The following OTX1 variants were observed in gnomAD, a reference collection of about 807,000 sequenced individuals.
OTX1 encodes orthodenticle homeobox 1, also known as homeobox protein OTX1.
A neutral mutation model predicts 26.7 loss-of-function variants in OTX1; 7 were observed. The observed-to-expected ratio is 0.26, with a 90% CI of 0.15 to 0.49. OTX1 has a LOEUF of 0.49. OTX1 is among the 20% of genes least tolerant of loss of function. The pLI, the probability that OTX1 is intolerant of heterozygous loss-of-function variation, is 0.98. For missense variants in OTX1, 414 were observed against 483.8 expected, an observed-to-expected ratio of 0.86 and a Z score of 1.35; for synonymous variants, 216 against 212.8, an observed-to-expected ratio of 1.01 and a Z score of -0.13.
rs764983807 is a variant in OTX1 at position 63,055,867 on chromosome 2, A to T, written c.616A>T (p.Met206Leu). The change falls in exon 5 of 5, where the codon ATG (methionine) becomes TTG (leucine). Residue 206 changes from methionine to leucine, a missense_variant. By Grantham distance (15) the Met-to-Leu change is conservative (BLOSUM62 2). Transcript: ENST00000282549. The surrounding 1 kb of genome is among the most constrained non-coding windows in gnomAD (Gnocchi z 5.2). ...GGCCGCGCCTAGCAACACCTCGTGT[A>T]TGCAGCGCTCCGTAGCTGCAGGCGC... ...PLAAPSNTSC[M>L]QRSVAAGAAT... The T allele has an allele frequency of 3.1e-6, 5 of 1,612,252 alleles. No homozygotes were observed. In the Admixed American group the frequency reaches 8.3e-5, roughly 27 times the overall value.
At position 63,056,077 on chromosome 2, in the gene OTX1, C is replaced by T. The variant is rs1295831967; in HGVS notation, c.826C>T (p.His276Tyr). The T allele has an allele frequency of 5.6e-6, 9 of 1,613,310 alleles. No individual in the cohort carries two copies. Among genetic ancestry groups the T allele is most frequent in the Non-Finnish European group, 6.8e-6 (8 of 1,179,436 alleles). ...GGCACCCTCCTCCATGGCGGGCCAC[C>T]ATCATCACCACCCACATGCGCACCA... ...PMAPSSMAGH[H>Y]HHHPHAHHPL... Residue 276 changes from histidine to tyrosine, a missense_variant, in exon 5 of 5, where the codon CAT becomes TAT. By Grantham distance (83) the His-to-Tyr change is moderately conservative. Transcript: ENST00000282549.
At chr2:63,054,666 C>T (rs1452425732) in intron 4 of OTX1, among the ~76,000 whole-genome samples, 2 of 152,226 alleles carry the variant, frequency 1.3e-5, no homozygotes, top group Non-Finnish European at 2.9e-5. Flanking sequence ...TCATTAGACG[C>T]TTCCTCTGCT....
At position 63,056,318 on chromosome 2, in the gene OTX1, C is replaced by T. The variant is rs771292265; in HGVS notation, c.*2C>T. 6.2e-7 allele frequency: 1 copy of T among 1,604,194 alleles called. No homozygotes were observed. Among genetic ancestry groups the T allele is most frequent in the Non-Finnish European group, 8.5e-7 (1 of 1,173,194 alleles). On this transcript the variant is annotated 3_prime_UTR_variant, in exon 5 of 5. Coordinates refer to ENST00000282549, the MANE Select transcript of OTX1 (RefSeq NM_014562.4). ...TCATGGCGGTTCCAGGTCTTGTGAGCCCAGGAATGAAAGAGGAGAAGAAAC... is the reference window on the plus strand; with the variant it reads ...TCATGGCGGTTCCAGGTCTTGTGAGTCCAGGAATGAAAGAGGAGAAGAAAC...
At position 63,054,234 on chromosome 2, in the gene OTX1, G is replaced by T. The variant is rs545833131; in HGVS notation, c.249+36G>T. On this transcript the variant is annotated intron_variant, in intron 4 of 4. Transcript: ENST00000282549. ...CCCGGGCTCCAGGGTCTGGGTAGGGGAGCTGAGGCTGCTCGGGGAAGGTCT... is the reference window on the plus strand; with the variant it reads ...CCCGGGCTCCAGGGTCTGGGTAGGGTAGCTGAGGCTGCTCGGGGAAGGTCT... 5.2e-6 allele frequency: 8 copies of T among 1,536,562 alleles called. No individual in the cohort carries two copies. In the South Asian group the frequency reaches 6.3e-5, roughly 12 times the overall value.
intron 3 of OTX1, chr2:63,053,313 G>A: frequency 2.3e-6 from 1 of 443,560 alleles, no homozygotes; most frequent in Non-Finnish European, 3.9e-6. Context: ...CGCCTTCCCG[G>A]CCGGATCACC....
At position 63,053,352 on chromosome 2, in the gene OTX1, C is replaced by T. The variant is rs557531751; in HGVS notation, c.97+265C>T. On this transcript the variant is annotated intron_variant, in intron 3 of 4. Transcript: ENST00000282549. ...AACCTTTCTCCGGTTGTGGTCCCAC[C>T]GCCAGCGCAGAGCTCATTTACTTGC... 8.8e-5 allele frequency: 36 copies of T among 409,332 alleles called. 1 individual carries two copies. In the Admixed American group the frequency reaches 9.3e-4, roughly 11 times the overall value. The allele number at this position is 409,332 out of a possible 1,614,324, so 25.4% of individuals were successfully genotyped here.
Position 63,056,636 on chromosome 2 carries a change from C to T in OTX1, c.*320C>T. 2.5e-6 allele frequency: 1 copy of T among 396,984 alleles called. No individual in the cohort carries two copies. The highest frequency in any genetic ancestry group is 4.6e-6 in the Non-Finnish European group (1 of 216,696). The allele number at this position is 396,984 out of a possible 1,614,324, so 24.6% of individuals were successfully genotyped here. On this transcript the variant is annotated 3_prime_UTR_variant, in exon 5 of 5. Transcript: ENST00000282549. ...AGCCTCCCCTTCCAGTCTTTCTGGACAGCTATTAAGCACTTGCAGCCTTCG... is the reference window on the plus strand; with the variant it reads ...AGCCTCCCCTTCCAGTCTTTCTGGATAGCTATTAAGCACTTGCAGCCTTCG...
Position 63,055,435 on chromosome 2 carries a change from G to A in OTX1, c.250-66G>A. The A allele has an allele frequency of 6.6e-7, 1 of 1,507,218 alleles. No homozygotes were observed. Among genetic ancestry groups the A allele is most frequent in the Non-Finnish European group, 9.0e-7 (1 of 1,110,146 alleles). The allele number at this position is 1,507,218 out of a possible 1,614,324, so 93.4% of individuals were successfully genotyped here. A position where few individuals can be genotyped will look rare whatever the true frequency, so the allele number is the denominator to read the frequency against. ...TTCTGGACCGGGAGTTGGGTCCGCG[G>A]GGCGGTGGAGCAACAAGCTCCCCTA... On this transcript the variant is annotated intron_variant, in intron 4 of 4. Coordinates refer to ENST00000282549, the MANE Select transcript of OTX1 (RefSeq NM_014562.4). This position sits in a 1 kb window ranked among gnomAD's most constrained non-coding sequence, Gnocchi z 5.2.
At position 63,054,154 on chromosome 2, in the gene OTX1, G is replaced by T. The variant is rs1164978140; in HGVS notation, c.205G>T (p.Glu69Ter). ...KTRYPDIFMR[E>*]EVALKINLPE... is the part of the protein sequence containing the mutation. ...TCGCTACCCTGACATCTTCATGCGG[G>T]AGGAGGTGGCGCTCAAGATCAACCT... Residue 69 changes from glutamate to a stop codon, truncating the protein, a stop_gained, in exon 4 of 5, where the codon GAG becomes TAG. Transcript: ENST00000282549. LOFTEE classifies it high-confidence loss of function. 1 of 1,610,934 alleles carries T rather than the reference G, an allele frequency of 6.2e-7. No individual in the cohort carries two copies. Among genetic ancestry groups the T allele is most frequent in the Admixed American group, 1.7e-5 (1 of 59,660 alleles).
Position 63,055,181 on chromosome 2 carries a change from A to G in OTX1, c.250-320A>G, listed in dbSNP as rs1574629202. Among the ~76,000 whole-genome samples, 3 of 152,366 alleles carry G rather than the reference A, an allele frequency of 2.0e-5. No individual in the cohort carries two copies. The South Asian group carries it at 6.2e-4, about 32-fold the overall frequency. ...TACACGGAAGCAGCCAACAGCAGCA[A>G]TTTAGAGATGGCAGAACTTCTGACT... On this transcript the variant is annotated intron_variant, in intron 4 of 4. Transcript: ENST00000282549. The surrounding 1 kb of genome is among the most constrained non-coding windows in gnomAD (Gnocchi z 5.2).
Position 63,055,629 on chromosome 2 carries a change from A to G in OTX1, c.378A>G (p.Gln126=), listed in dbSNP as rs1247042144. 2 of 1,614,112 alleles carry G rather than the reference A, an allele frequency of 1.2e-6. No individual in the cohort carries two copies. The highest frequency in any genetic ancestry group is 1.1e-5 in the South Asian group (1 of 91,084). The part of the protein sequence containing the change: ...RESSGSESSG[Q]FTPPAVSSSA... ...GCTCGGGCTCCGAAAGCAGTGGCCA[A>G]TTCACGCCGCCAGCTGTGTCCAGCT... The change falls in exon 5 of 5, where the codon CAA becomes CAG. Residue 126 remains glutamine, a synonymous_variant. Coordinates refer to ENST00000282549, the MANE Select transcript of OTX1 (RefSeq NM_014562.4). This position sits in a 1 kb window ranked among gnomAD's most constrained non-coding sequence, Gnocchi z 5.2.
At chr2:63,052,642 C>G (rs1209933781) in intron 2 of OTX1, among the ~76,000 whole-genome samples, 1 of 152,212 alleles carries the variant, frequency 6.6e-6, no homozygotes, top group African/African-American at 2.4e-5. Context: ...CTGCTTTTAA[C>G]TTCTCCTTAC....
rs1300330815 is a variant in OTX1 at position 63,056,176 on chromosome 2, C to A, written c.925C>A (p.Leu309Ile). 1 of 1,614,038 alleles carries A rather than the reference C, an allele frequency of 6.2e-7. No individual in the cohort carries two copies. Among genetic ancestry groups the A allele is most frequent in the Admixed American group, 1.7e-5 (1 of 60,006 alleles). The change falls in exon 5 of 5, where the codon CTT becomes ATT. Residue 309 changes from leucine to isoleucine, a missense_variant. Coordinates refer to ENST00000282549, the MANE Select transcript of OTX1 (RefSeq NM_014562.4). ...CCACCAAGGCTACGGTGGCTCTGGG[C>A]TTGCCTTCAACTCTGCCGACTGCTT... is the stretch of plus-strand genomic sequence containing the variant. The part of the protein sequence containing the change: ...HHHQGYGGSG[L>I]AFNSADCLDY...
upstream of OTX1, chr2:63,050,777 C>T (rs890010468): frequency 2.0e-5 from 3 of 152,218 alleles, no homozygotes; most frequent in African/African-American, 4.8e-5. Flanking sequence ...GCGGCCTAGC[C>T]CCGTTACGCA....
In OTX1 at chr2:63,055,927, G is replaced by T. The variant is rs61742369; in HGVS notation, c.676G>T (p.Gly226Cys). 1.4e-5 allele frequency: 22 copies of T among 1,612,628 alleles called. No individual in the cohort carries two copies. Among genetic ancestry groups the T allele is most frequent in the Non-Finnish European group, 1.7e-5 (20 of 1,180,008 alleles). Residue 226 changes from glycine to cysteine, a missense_variant, in exon 5 of 5, where the codon GGC becomes TGC. By Grantham distance (159) the Gly-to-Cys change is radical (BLOSUM62 -3). Coordinates refer to ENST00000282549, the MANE Select transcript of OTX1 (RefSeq NM_014562.4). This position sits in a 1 kb window ranked among gnomAD's most constrained non-coding sequence, Gnocchi z 5.2. Reference sequence around the variant, plus strand: ...AGCAGCCTCTTATCCCATGTCCTACGGCCAGGGCGGCAGCTACGGCCAAGG... The same window carrying T: ...AGCAGCCTCTTATCCCATGTCCTACTGCCAGGGCGGCAGCTACGGCCAAGG... ...TAAASYPMSY[G>C]QGGSYGQGYP...
At position 63,055,398 on chromosome 2, in the gene OTX1, A is replaced by G. The variant is rs1574629325; in HGVS notation, c.250-103A>G. The G allele has an allele frequency of 5.5e-6, 7 of 1,277,778 alleles. No individual in the cohort carries two copies. The East Asian group carries it at 1.7e-4, about 31-fold the overall frequency. The allele number at this position is 1,277,778 out of a possible 1,614,324, so 79.2% of individuals were successfully genotyped here. On this transcript the variant is annotated intron_variant, in intron 4 of 4. Coordinates refer to ENST00000282549, the MANE Select transcript of OTX1 (RefSeq NM_014562.4). The surrounding 1 kb of genome is among the most constrained non-coding windows in gnomAD (Gnocchi z 5.2). ...GAAGGGGCGGAGGCCTCGGTGAGAA[A>G]GGATTGCGATATTCTGGACCGGGAG...
intron 3 of OTX1, 65 bp from the exon 4 acceptor site, chr2:63,053,982 C>A: frequency 1.9e-6 from 3 of 1,564,246 alleles, no homozygotes; most frequent in East Asian, 2.4e-5. Flanking sequence ...GGGGCCTGCC[C>A]GAGTCCTCTA....
intron 3 of OTX1, 57 bp from the exon 4 acceptor site, chr2:63,053,990 C>T: frequency 1.9e-6 from 3 of 1,585,950 alleles, no homozygotes; most frequent in Non-Finnish European, 2.6e-6. Flanking sequence ...CCCGAGTCCT[C>T]TATCGCGGGT....
At position 63,055,719 on chromosome 2, in the gene OTX1, A is replaced by T. The variant is rs1183999521; in HGVS notation, c.468A>T (p.Gly156=). ...ACCCAGCGGCTGCAGCGGCTGCGGG[A>T]CTAGGTGGGAACCCGGTGGCGGCCG... ...SANPAAAAAA[G]LGGNPVAAAS... The change falls in exon 5 of 5, where the codon GGA becomes GGT. Residue 156 remains glycine (G), a synonymous_variant. Coordinates refer to ENST00000282549, the MANE Select transcript of OTX1 (RefSeq NM_014562.4). This position sits in a 1 kb window ranked among gnomAD's most constrained non-coding sequence, Gnocchi z 5.2. 5.6e-6 allele frequency: 9 copies of T among 1,613,034 alleles called. No individual in the cohort carries two copies. Among genetic ancestry groups the T allele is most frequent in the Non-Finnish European group, 7.6e-6 (9 of 1,179,830 alleles).
Sources: allele counts gnomAD v4.1 joint callset (sites outside exome capture counted in the v4.1 genomes callset), GRCh38; gene constraint gnomAD v4.1.1; non-coding constraint Gnocchi (gnomAD v3.1); transcripts MANE v1.5; gene names NCBI Gene and HGNC (gene_info 2026-07-23, HGNC 2026-07-21).